Variants in UBA3 observed in about 807,000 individuals in gnomAD.
UBA3 encodes the protein NEDD8-activating enzyme E1 catalytic subunit.
UBA3 carries 26 observed loss-of-function variants against 73.5 expected under a neutral mutation model. The observed-to-expected ratio is 0.35, with a 90% confidence interval of 0.26 to 0.49. UBA3 has a LOEUF of 0.49. Ranked by LOEUF, UBA3 falls within the 20% of genes least tolerant of loss-of-function variation. The probability of loss-of-function intolerance (pLI) is 0.98; values close to 1 mark genes in which losing one functional copy is unlikely to be tolerated. For missense variants in UBA3, 495 were observed against 555.6 expected, an observed-to-expected ratio of 0.89 and a Z score of 1.10; for synonymous variants, 217 against 191.2, an observed-to-expected ratio of 1.13 and a Z score of -1.11.
chr3:69,056,819 A>G lies in UBA3; in HGVS notation c.965-4T>C. 6.2e-7 allele frequency: 1 copy of G among 1,611,286 alleles called. No homozygotes were observed. The highest frequency in any genetic ancestry group is 1.1e-5 in the South Asian group (1 of 90,524). On this transcript the variant is annotated splice_region_variant and splice_polypyrimidine_tract_variant and intron_variant, in intron 12 of 17. Transcript: ENST00000361055. ...AAAACCTCAGTGGCACACACAGCTG[A>G]AGGGAGGAGAAAATACAGGTGCTTT... is the stretch of plus-strand genomic sequence containing the variant.
intron 3 of UBA3, among the ~76,000 whole-genome samples, chr3:69,075,740 T>TC (rs397797144): frequency 3.3e-5 from 5 of 152,054 alleles, no homozygotes; most frequent in African/African-American, 1.2e-4. Flanking sequence ...CTTTTTTTTT[T>TC]CTTTTTTTTG....
At chr3:69,071,233 G>A (rs1029921386) in intron 5 of UBA3, 122 of 236,940 alleles carry the variant, frequency 5.1e-4, no homozygotes, top group Non-Finnish European at 6.5e-4. Context: ...AAGAGCTACC[G>A]TTCTTTCCTT....
In UBA3 at chr3:69,063,150, T is replaced by A; in HGVS notation, c.538-13A>T. On this transcript the variant is annotated splice_polypyrimidine_tract_variant and intron_variant, in intron 8 of 17. Coordinates refer to ENST00000361055, the MANE Select transcript of UBA3 (RefSeq NM_003968.4). The stretch of plus-strand genomic sequence containing the variant: ...TTAGAAGAGATATCTAGGAAAACAA[T>A]TTGAAGGGCTTTAAAGGAGAAGGGG... The A allele has an allele frequency of 6.2e-7, 1 of 1,613,248 alleles. No homozygotes were observed. The highest frequency in any genetic ancestry group is 8.5e-7 in the Non-Finnish European group (1 of 1,179,650).
At chr3:69,078,678 G>A (rs1392242521) in intron 2 of UBA3, among the ~76,000 whole-genome samples, 1 of 152,076 alleles carries the variant, frequency 6.6e-6, no homozygotes, top group African/African-American at 2.4e-5. Flanking sequence ...TCGCCATGTT[G>A]CACAGGCTGG....
At chr3:69,069,597 G>A (rs377151715) in intron 5 of UBA3, among the ~76,000 whole-genome samples, 1 of 152,160 alleles carries the variant, frequency 6.6e-6, no homozygotes, top group African/African-American at 2.4e-5. Flanking sequence ...AATGTGCTGT[G>A]ATTACAGGCA....
Position 69,077,198 on chromosome 3 carries a change from T to G in UBA3, c.183+600A>C, listed in dbSNP as rs554944329. ...TGAGACACTGGGCCAAACCAAGAGTTTGCACGTTAATTTATGGGAGTAACA... is the reference window on the plus strand; with the variant it reads ...TGAGACACTGGGCCAAACCAAGAGTGTGCACGTTAATTTATGGGAGTAACA... On this transcript the variant is annotated intron_variant, in intron 3 of 17. Transcript: ENST00000361055. 3.3e-5 allele frequency: 5 copies of G among 152,070 alleles called. No individual in the cohort carries two copies. The East Asian group carries it at 9.6e-4, about 29-fold the overall frequency. 9.4% of individuals were successfully genotyped at this position (152,070 alleles called of 1,614,324 possible). A position where few individuals can be genotyped will look rare whatever the true frequency, so the allele number is the denominator to read the frequency against.
intron 9 of UBA3, among the ~76,000 whole-genome samples, chr3:69,062,520 T>C (rs2092030325): frequency 6.6e-6 from 1 of 152,196 alleles, no homozygotes; most frequent in African/African-American, 2.4e-5. Flanking sequence ...CAAAAGCAAG[T>C]TCAGAGTTAA....
chr3:69,073,100 C>CA (rs1276258502), intron 4 of UBA3, among the ~76,000 whole-genome samples: 1 of 152,222 alleles, frequency 6.6e-6, no homozygotes, highest in Non-Finnish European at 1.5e-5. Flanking sequence ...CTCAATGCAT[C>CA]AGCCTCAGTA....
rs550853917 is a variant in UBA3 at position 69,077,582 on chromosome 3, A to G, written c.183+216T>C. The G allele has an allele frequency of 7.2e-4, 336 of 465,878 alleles. 2 individuals carry two copies. Among genetic ancestry groups the G allele is most frequent in the Admixed American group, 9.0e-4 (22 of 24,478 alleles). 28.9% of individuals were successfully genotyped at this position (465,878 alleles called of 1,614,324 possible). A position where few individuals can be genotyped will look rare whatever the true frequency, so the allele number is the denominator to read the frequency against. ...GTCATGAAGTTAGATTTTTCTCACA[A>G]AAATTTTCAACTTATATTACATGAG... On this transcript the variant is annotated intron_variant, in intron 3 of 17. Coordinates refer to ENST00000361055, the MANE Select transcript of UBA3 (RefSeq NM_003968.4).
chr3:69,064,002 T>C (rs13090606), intron 7 of UBA3, 66 bp downstream of exon 7: 261,907 of 1,367,582 alleles, frequency 0.19, 26,729 homozygotes, highest in East Asian at 0.36. Context: ...CTAGCAATAT[T>C]TGAATAGCTA....
intron 6 of UBA3, 106 bp downstream of exon 6, chr3:69,067,822 G>T: frequency 1.3e-6 from 1 of 741,778 alleles, no homozygotes. Flanking sequence ...TACTACTGCT[G>T]ACTTTTTTTC....
At chr3:69,062,699 A>G (rs2092031734) in intron 9 of UBA3, among the ~76,000 whole-genome samples, 1 of 152,210 alleles carries the variant, frequency 6.6e-6, no homozygotes, top group Non-Finnish European at 1.5e-5. Context: ...CACATAGATT[A>G]CAGCTTGACA....
chr3:69,061,665 CT>C (rs1281423773), intron 11 of UBA3, 148 bp downstream of exon 11: 1 of 500,694 alleles, frequency 2.0e-6, no homozygotes, highest in South Asian at 3.9e-5. Context: ...TAAATTCCCC[CT>C]AGCTAATAAG....
At chr3:69,057,359 G>T (rs767172884) in intron 11 of UBA3, 50 bp from the exon 12 acceptor site, 2 of 1,517,542 alleles carry the variant, frequency 1.3e-6, no homozygotes, top group Non-Finnish European at 1.8e-6. Flanking sequence ...AAATAAAAGA[G>T]TTCTCTTAAA....
chr3:69,064,374 ACT>A (rs2092049514), intron 6 of UBA3, among the ~76,000 whole-genome samples: 1 of 152,154 alleles, frequency 6.6e-6, no homozygotes, highest in Non-Finnish European at 1.5e-5. Flanking sequence ...TAGGAGGTAT[ACT>A]TTCTACTTTG....
chr3:69,070,515 A>ATCTC (rs1390154889), intron 5 of UBA3, among the ~76,000 whole-genome samples: 1 of 152,174 alleles, frequency 6.6e-6, no homozygotes, highest in Non-Finnish European at 1.5e-5. Flanking sequence ...AAAAGTCCTT[A>ATCTC]TCTCTGTGTA....
chr3:69,056,909 C>A, intron 12 of UBA3, 94 bp from the exon 13 acceptor site: 1 of 1,351,570 alleles, frequency 7.4e-7, no homozygotes, highest in Non-Finnish European at 1.0e-6. Context: ...TTTACATTGG[C>A]TCTTCATTAA....
At chr3:69,056,936 T>C in intron 12 of UBA3, 121 bp from the exon 13 acceptor site, 1 of 1,152,930 alleles carries the variant, frequency 8.7e-7, no homozygotes, top group Non-Finnish European at 1.2e-6. Context: ...CATATTCCAA[T>C]TTTTAAAAAC....
intron 11 of UBA3, among the ~76,000 whole-genome samples, chr3:69,059,098 T>C (rs915868235): frequency 7.9e-5 from 12 of 152,248 alleles, no homozygotes; most frequent in Non-Finnish European, 5.9e-5. Flanking sequence ...TCTGCTCGTA[T>C]AGTGATTTCA....
Sources: allele counts gnomAD v4.1 joint callset (sites outside exome capture counted in the v4.1 genomes callset), GRCh38; gene constraint gnomAD v4.1.1; transcripts MANE v1.5; gene names NCBI Gene and HGNC (gene_info 2026-07-23, HGNC 2026-07-21).